The following FRMD4B variants were observed in gnomAD, a reference collection of about 807,000 sequenced individuals.
FRMD4B encodes the protein FERM domain-containing protein 4B.
FRMD4B carries 74 observed loss-of-function variants against 141.5 expected under a neutral mutation model. The observed-to-expected ratio is 0.52, with a 90% CI of 0.43 to 0.63. The LOEUF (loss-of-function observed/expected upper bound fraction) is 0.63, where lower values mean the gene tolerates loss of function less well. FRMD4B is among the 30% of genes least tolerant of loss of function. The pLI is 0.00. For synonymous variants in FRMD4B, 506 were observed against 467.9 expected (o/e 1.08, Z -1.05); for missense variants, 1,366 against 1,253.4 (o/e 1.09, Z -1.36).
intron 5 of FRMD4B, among the ~76,000 whole-genome samples, chr3:69,279,662 C>CCTCCTT (rs1472690784): frequency 9.7e-6 from 1 of 103,466 alleles, no homozygotes; most frequent in East Asian, 4.7e-4. Flanking sequence ...CTATCCTCCT[C>CCTCCTT]CTCCTTCTCC....
intron 11 of FRMD4B, among the ~76,000 whole-genome samples, chr3:69,211,174 G>A (rs2093075621): frequency 6.6e-6 from 1 of 152,106 alleles, no homozygotes; most frequent in Non-Finnish European, 1.5e-5. Context: ...TACTACTAAT[G>A]ATGATGGCGT....
chr3:69,362,089 T>C (rs750959715), intron 1 of FRMD4B, among the ~76,000 whole-genome samples: 22 of 152,222 alleles, frequency 1.4e-4, no homozygotes, highest in Non-Finnish European at 3.1e-4. Flanking sequence ...ACTTTTTGTT[T>C]GCACAGGTAT....
chr3:69,218,190 G>A (rs1575621129), intron 10 of FRMD4B, 132 bp downstream of exon 10: 1 of 595,724 alleles, frequency 1.7e-6, no homozygotes, highest in Non-Finnish European at 3.0e-6. Context: ...CAAGTATTTT[G>A]CAAAAATAAT....
chr3:69,422,920 G>A (rs1305375823), intron 2 of FRMD4B, among the ~76,000 whole-genome samples: 2 of 152,192 alleles, frequency 1.3e-5, no homozygotes, highest in Admixed American at 1.3e-4. Flanking sequence ...AGAGACTGCT[G>A]AACTGTAGGG....
rs527820258 is a variant in FRMD4B at position 69,469,381 on chromosome 3, C to T, written c.-128-36620G>A. ...GTAAGCAAAATTCAAAAGAAATGTT[C>T]TTAAGTGCCTCCCTACATGACTTAG... On this transcript the variant is annotated intron_variant, in intron 1 of 5. Transcript: ENST00000459638. 1.4e-3 allele frequency among the ~76,000 whole-genome samples: 213 copies of T among 152,240 alleles called. 1 individual carries two copies. Among genetic ancestry groups the T allele is most frequent in the Admixed American group, 3.3e-3 (50 of 15,282 alleles).
chr3:69,377,904 G>A (rs539488100), intron 1 of FRMD4B, among the ~76,000 whole-genome samples: 5 of 151,794 alleles, frequency 3.3e-5, no homozygotes, highest in African/African-American at 7.2e-5. Flanking sequence ...TCTGCCTCCC[G>A]GGTTTAAGCC....
chr3:69,402,648 A>G (rs892566004), intron 2 of FRMD4B, among the ~76,000 whole-genome samples: 9 of 152,208 alleles, frequency 5.9e-5, no homozygotes, highest in African/African-American at 2.2e-4. Context: ...TGAACCAAAT[A>G]TCAAACATAA....
At chr3:69,530,811 C>A (rs369788089) in intron 1 of FRMD4B, among the ~76,000 whole-genome samples, 3 of 152,292 alleles carry the variant, frequency 2.0e-5, no homozygotes, top group Admixed American at 6.5e-5. Context: ...GAAACGGCAA[C>A]CGTGCAGATG....
intron 5 of FRMD4B, among the ~76,000 whole-genome samples, chr3:69,250,762 A>G (rs2093459734): frequency 6.6e-6 from 1 of 150,578 alleles, no homozygotes; most frequent in Non-Finnish European, 1.5e-5. Flanking sequence ...AAAACCCCAA[A>G]GAAAAATTGG....
chr3:69,310,593 G>A (rs879244988), intron 3 of FRMD4B: 1 of 163,318 alleles, frequency 6.1e-6, no homozygotes, highest in Non-Finnish European at 1.3e-5. Context: ...GAGAGAGAGA[G>A]AGAGAGAGAG....
chr3:69,457,540 A>G (rs1705639238), intron 1 of FRMD4B, among the ~76,000 whole-genome samples: 1 of 152,174 alleles, frequency 6.6e-6, no homozygotes. Context: ...ACTGCTTGTC[A>G]TTACTGCACT....
chr3:69,413,148 A>C (rs1010683192), intron 2 of FRMD4B, among the ~76,000 whole-genome samples: 1 of 152,154 alleles, frequency 6.6e-6, no homozygotes, highest in South Asian at 2.1e-4. Flanking sequence ...GAACGACGGG[A>C]TTAAAGATGC....
chr3:69,268,518 G>A (rs1039237667), intron 5 of FRMD4B, among the ~76,000 whole-genome samples: 3 of 152,068 alleles, frequency 2.0e-5, no homozygotes, highest in East Asian at 1.9e-4. Flanking sequence ...TTGCTTAAAC[G>A]CACCCTGGCA....
chr3:69,302,288 A>C (rs766371116), intron 4 of FRMD4B, 55 bp downstream of exon 4: 11 of 934,290 alleles, frequency 1.2e-5, no homozygotes, highest in Middle Eastern at 2.1e-4. Flanking sequence ...ACACACAAAA[A>C]CCCAAAAATA....
At position 69,302,414 on chromosome 3, in the gene FRMD4B, C is replaced by T. The variant is rs1252888711; in HGVS notation, c.345G>A (p.Gln115=). The change falls in exon 4 of 23, where the codon CAG becomes CAA. Residue 115 remains glutamine (Q), a synonymous_variant. Coordinates refer to ENST00000398540, the MANE Select transcript of FRMD4B (RefSeq NM_015123.3). The stretch of plus-strand genomic sequence containing the variant: ...CGTGGTCAAGAACTCGGTGATCTAA[C>T]TGCAGCCAGTTCTGCTGACCTCTGT... ...IDDTGQQNWL[Q]LDHRVLDHDL... is the part of the protein sequence containing the mutation. 1 of 1,602,992 alleles carries T rather than the reference C, an allele frequency of 6.2e-7. No homozygotes were observed. The highest frequency in any genetic ancestry group is 8.5e-7 in the Non-Finnish European group (1 of 1,172,606).
intron 1 of FRMD4B, among the ~76,000 whole-genome samples, chr3:69,498,300 C>T (rs1706435517): frequency 6.6e-6 from 1 of 152,136 alleles, no homozygotes; most frequent in Admixed American, 6.5e-5. Flanking sequence ...ATTGATTGAA[C>T]TTATCATTTA....
intron 1 of FRMD4B, among the ~76,000 whole-genome samples, chr3:69,325,196 C>A (rs2107304225): frequency 6.6e-6 from 1 of 152,266 alleles, no homozygotes; most frequent in South Asian, 2.1e-4. Context: ...CCAGTAGAGA[C>A]TGGAGGGCTG....
chr3:69,465,543 C>T (rs1041280486), intron 1 of FRMD4B, among the ~76,000 whole-genome samples: 1 of 150,436 alleles, frequency 6.6e-6, no homozygotes, highest in African/African-American at 2.5e-5. Flanking sequence ...CTCCCCCAGT[C>T]CCCCAGCCCC....
chr3:69,437,881 A>G (rs1338808162), intron 1 of FRMD4B, among the ~76,000 whole-genome samples: 1 of 131,774 alleles, frequency 7.6e-6, no homozygotes, highest in Non-Finnish European at 1.5e-5. Context: ...TATGTAGTAT[A>G]TATACTATAT....
Sources: allele counts gnomAD v4.1 joint callset (sites outside exome capture counted in the v4.1 genomes callset), GRCh38; gene constraint gnomAD v4.1.1; transcripts MANE v1.5; gene names NCBI Gene and HGNC (gene_info 2026-07-23, HGNC 2026-07-21).